GRIP1: variants seen among roughly 807,000 people sequenced by gnomAD.
The protein encoded by GRIP1 is glutamate receptor-interacting protein 1.
Under a neutral mutation model 129.9 loss-of-function variants are expected in GRIP1, and 45 were observed. The observed-to-expected ratio is 0.35, with a 90% CI of 0.27 to 0.44. The LOEUF (loss-of-function observed/expected upper bound fraction) is 0.44. GRIP1 is among the 20% of genes least tolerant of loss of function. GRIP1 has a pLI of 1.00. For synonymous variants in GRIP1, 530 were observed against 520.8 expected, an observed-to-expected ratio of 1.02 and a Z score of -0.24; for missense variants, 1,196 against 1,396.8, an observed-to-expected ratio of 0.86 and a Z score of 2.29.
intron 1 of GRIP1, among the ~76,000 whole-genome samples, chr12:66,621,195 C>G (rs1461718103): frequency 6.6e-6 from 1 of 152,078 alleles, no homozygotes; most frequent in Non-Finnish European, 1.5e-5. Flanking sequence ...ACCCATCACC[C>G]CTATTATCTT....
intron 1 of GRIP1, among the ~76,000 whole-genome samples, chr12:66,766,235 C>A (rs757860570): frequency 3.4e-4 from 51 of 152,194 alleles, no homozygotes; most frequent in Non-Finnish European, 6.2e-4. Flanking sequence ...TTTCATATAT[C>A]GACCAGGAAT....
At chr12:66,989,252 A>G (rs975570248) in intron 1 of GRIP1, among the ~76,000 whole-genome samples, 4 of 152,178 alleles carry the variant, frequency 2.6e-5, no homozygotes, top group African/African-American at 7.2e-5. Flanking sequence ...CAGCTTCACA[A>G]TTAAAATCCA....
intron 1 of GRIP1, among the ~76,000 whole-genome samples, chr12:66,815,862 C>T (rs200526732): frequency 3.0e-3 from 175 of 58,064 alleles, no homozygotes; most frequent in African/African-American, 0.018. Context: ...CTTTCTCTCT[C>T]TCTCTCTCTC....
rs3045282 is a variant in GRIP1 at position 66,377,638 on chromosome 12, C to CTTTTTTTTT, written c.2622-362_2622-354dup. ...GTAGGCGTGAGCCACCGCACCCGGC[C>CTTTTTTTTT]TTTTTTTTTTTTTTTTTTGGATTCA... On this transcript the variant is annotated intron_variant, in intron 20 of 24. Coordinates refer to ENST00000359742, the MANE Select transcript of GRIP1 (RefSeq NM_001366722.1). Among the ~76,000 whole-genome samples the CTTTTTTTTT allele has an allele frequency of 3.9e-3, 485 of 124,522 alleles. 11 individuals carry two copies. The highest frequency in any genetic ancestry group is 0.015 in the African/African-American group (468 of 31,804). 81.7% of individuals were successfully genotyped at this position (124,522 alleles called of 152,430 possible). A position where few individuals can be genotyped will look rare whatever the true frequency, so the allele number is the denominator to read the frequency against.
intron 1 of GRIP1, among the ~76,000 whole-genome samples, chr12:66,779,785 A>G (rs770940282): frequency 1.3e-5 from 2 of 152,236 alleles, no homozygotes; most frequent in Non-Finnish European, 2.9e-5. Context: ...TAATATGTGC[A>G]GTAGTGAAAA....
At chr12:66,450,321 A>G (rs939469614) in intron 11 of GRIP1, among the ~76,000 whole-genome samples, 6 of 148,874 alleles carry the variant, frequency 4.0e-5, no homozygotes, top group African/African-American at 1.5e-4. Flanking sequence ...AAAAAAAAAA[A>G]AAAAAAAAAA....
At chr12:66,921,772 T>C (rs77139400) in intron 1 of GRIP1, among the ~76,000 whole-genome samples, 2,075 of 152,350 alleles carry the variant, frequency 0.014, 54 homozygotes, top group African/African-American at 0.047. Context: ...ATGTAAATGA[T>C]TGAAGAATCA....
chr12:66,973,575 TG>T (rs2042107522), intron 1 of GRIP1, among the ~76,000 whole-genome samples: 1 of 152,146 alleles, frequency 6.6e-6, no homozygotes, highest in Admixed American at 6.6e-5. Flanking sequence ...TGACCTCTAT[TG>T]GCTTAAATCA....
intron 1 of GRIP1, among the ~76,000 whole-genome samples, chr12:66,799,002 G>A (rs1308786447): frequency 6.6e-6 from 1 of 152,132 alleles, no homozygotes; most frequent in Non-Finnish European, 1.5e-5. Flanking sequence ...GTGGGGATGA[G>A]AGGTGAAGGA....
chr12:66,941,990 A>T (rs1383178544), intron 1 of GRIP1, among the ~76,000 whole-genome samples: 1 of 152,200 alleles, frequency 6.6e-6, no homozygotes, highest in Non-Finnish European at 1.5e-5. Context: ...GGAATCAATA[A>T]AACAGAATTT....
intron 19 of GRIP1, among the ~76,000 whole-genome samples, chr12:66,386,744 G>A (rs908051157): frequency 6.6e-6 from 1 of 152,350 alleles, no homozygotes; most frequent in South Asian, 2.1e-4. Context: ...GTACAGGAAA[G>A]AGAGCCAGTT....
chr12:66,643,149 T>G (rs1041842222), intron 1 of GRIP1, among the ~76,000 whole-genome samples: 2 of 152,178 alleles, frequency 1.3e-5, no homozygotes, highest in Non-Finnish European at 1.5e-5. Flanking sequence ...CTTCTCTACT[T>G]TGGTAGGAGT....
At chr12:66,472,926 A>G (rs2138435838) in intron 7 of GRIP1, among the ~76,000 whole-genome samples, 1 of 152,274 alleles carries the variant, frequency 6.6e-6, no homozygotes, top group Middle Eastern at 3.4e-3. Flanking sequence ...AGCTAGCTAC[A>G]GAAGTTTTTT....
chr12:66,488,972 G>A (rs771256741), intron 7 of GRIP1, among the ~76,000 whole-genome samples: 13 of 152,160 alleles, frequency 8.5e-5, no homozygotes, highest in African/African-American at 2.2e-4. Flanking sequence ...AATTTAGTCC[G>A]TAATAAATAG....
At chr12:66,393,587 G>A (rs1049108160) in intron 17 of GRIP1, among the ~76,000 whole-genome samples, 1 of 152,132 alleles carries the variant, frequency 6.6e-6, no homozygotes, top group Non-Finnish European at 1.5e-5. Flanking sequence ...GTGTATTCCT[G>A]AGCTAGGTTA....
chr12:66,808,773 ATG>A (rs796965435), upstream of GRIP1, among the ~76,000 whole-genome samples: 8 of 152,284 alleles, frequency 5.3e-5, no homozygotes, highest in African/African-American at 1.9e-4. Flanking sequence ...ATAAATAAAC[ATG>A]TGCTTTCCAT....
intron 23 of GRIP1, among the ~76,000 whole-genome samples, chr12:66,360,190 TTTC>T (rs2054683807): frequency 8.3e-6 from 1 of 121,092 alleles, no homozygotes; most frequent in African/African-American, 3.1e-5. Flanking sequence ...TTTTTTTTTT[TTTC>T]GACATGTAAT....
chr12:66,507,164 C>T (rs145441827), intron 7 of GRIP1, among the ~76,000 whole-genome samples: 4 of 152,158 alleles, frequency 2.6e-5, no homozygotes, highest in African/African-American at 7.2e-5. Flanking sequence ...ATGGGCCATG[C>T]GTGGTGGCTC....
At chr12:66,804,100 T>C (rs2038933183) in exon 1 of GRIP1, 3 of 455,890 alleles carry the variant, frequency 6.6e-6, no homozygotes, top group South Asian at 1.5e-5. Flanking sequence ...ATAGCCCTCG[T>C]GGTAATCCTC....
Sources: gnomAD v4.1 joint callset for allele counts (sites outside exome capture counted in the v4.1 genomes callset) on GRCh38, gnomAD v4.1.1 for gene constraint, MANE v1.5 for transcripts, NCBI Gene and HGNC (gene_info 2026-07-23, HGNC 2026-07-21) for gene names.